Variants in CERS4 observed in about 807,000 individuals in gnomAD.
CERS4 encodes the protein LAG1 homolog, ceramide synthase 4.
A neutral mutation model predicts 51.8 loss-of-function variants in CERS4; 65 were observed. The ratio of observed to expected loss-of-function variants is 1.26; its 90% confidence interval spans 1.03 to 1.54. CERS4 has a LOEUF of 1.54. Ranked by LOEUF, CERS4 falls within the 40% of genes most tolerant of loss-of-function variation. The pLI is 0.00. For synonymous variants in CERS4, 228 were observed against 208.4 expected (o/e 1.09, Z -0.81); for missense variants, 563 against 500.4 (o/e 1.13, Z -1.19).
At position 8,210,053 on chromosome 19, in the gene CERS4, GAA is replaced by G. The variant is rs1482633732; in HGVS notation, c.-159+562_-159+563del. 1.1e-5 allele frequency: 1 copy of G among 88,742 alleles called. No individual in the cohort carries two copies. The highest frequency in any genetic ancestry group is 2.6e-5 in the Non-Finnish European group (1 of 38,764). 5.5% of individuals were successfully genotyped at this position (88,742 alleles called of 1,614,324 possible). On this transcript the variant is annotated intron_variant, in intron 1 of 11. Coordinates refer to ENST00000251363, the MANE Select transcript of CERS4 (RefSeq NM_024552.3). This position sits in a 1 kb window ranked among gnomAD's most constrained non-coding sequence, Gnocchi z 4.2. ...CCTAGCCGGGAGTGTGTGCGGAGCA[GAA>G]AAGAGGCCAGCCTGGCTGAAACGCG...
At position 8,221,786 on chromosome 19, in the gene CERS4, A is replaced by C. The variant is rs552880075; in HGVS notation, c.-2+10924A>C. ...AGTGATCCGCCCTCCTCAGCCTACCAAAGTGCTGGGATTACAGGCATGAGC... is the reference window on the plus strand; with the variant it reads ...AGTGATCCGCCCTCCTCAGCCTACCCAAGTGCTGGGATTACAGGCATGAGC... On this transcript the variant is annotated intron_variant, in intron 2 of 11. Transcript: ENST00000251363. 2.0e-3 allele frequency among the ~76,000 whole-genome samples: 309 copies of C among 151,526 alleles called. 2 individuals are homozygous for C. The highest frequency in any genetic ancestry group is 7.1e-3 in the African/African-American group (293 of 41,366).
intron 2 of CERS4, among the ~76,000 whole-genome samples, chr19:8,248,975 T>G (rs939765739): frequency 1.3e-5 from 2 of 149,836 alleles, no homozygotes; most frequent in African/African-American, 2.5e-5. Context: ...GATGTTTTGA[T>G]GAATTAACAG....
intron 2 of CERS4, among the ~76,000 whole-genome samples, chr19:8,222,647 C>T (rs1490823511): frequency 6.6e-6 from 1 of 151,988 alleles, no homozygotes; most frequent in African/African-American, 2.4e-5. Context: ...TACAGGCATG[C>T]GCCACCACAC....
Position 8,257,080 on chromosome 19 carries a change from G to A in CERS4, c.741+3G>A, listed in dbSNP as rs1969430137. 1.3e-6 allele frequency: 2 copies of A among 1,593,200 alleles called. No individual in the cohort carries two copies. Among genetic ancestry groups the A allele is most frequent in the African/African-American group, 1.3e-5 (1 of 74,860 alleles). ...ATTCCTCTGACTACCTGCTGGAGGTGGGCCCGACCCCTGCCTGACCCTTCC... is the reference window on the plus strand; with the variant it reads ...ATTCCTCTGACTACCTGCTGGAGGTAGGCCCGACCCCTGCCTGACCCTTCC... On this transcript the variant is annotated splice_donor_region_variant and intron_variant, in intron 9 of 11. Coordinates refer to ENST00000251363, the MANE Select transcript of CERS4 (RefSeq NM_024552.3).
intron 2 of CERS4, among the ~76,000 whole-genome samples, chr19:8,247,094 A>C (rs778218366): frequency 1.3e-5 from 2 of 152,212 alleles, no homozygotes; most frequent in Non-Finnish European, 2.9e-5. Flanking sequence ...TGAACCCTCA[A>C]GGTGGAGGTT....
chr19:8,234,409 C>T lies in CERS4; in HGVS notation c.-1-16667C>T, dbSNP rs1372995904. 4.6e-5 allele frequency among the ~76,000 whole-genome samples: 7 copies of T among 152,240 alleles called. No individual in the cohort carries two copies. The East Asian group carries it at 9.6e-4, about 21-fold the overall frequency. On this transcript the variant is annotated intron_variant, in intron 2 of 11. Coordinates refer to ENST00000251363, the MANE Select transcript of CERS4 (RefSeq NM_024552.3). ...AACGCCTGGGCTCATGCAGTCCTCCCGAGTAGCTGCACCACAGGCATGAGC... is the reference window on the plus strand; with the variant it reads ...AACGCCTGGGCTCATGCAGTCCTCCTGAGTAGCTGCACCACAGGCATGAGC...
intron 2 of CERS4, chr19:8,238,431 A>C: frequency 1.2e-6 from 1 of 859,024 alleles, no homozygotes; most frequent in Non-Finnish European, 1.4e-6. Flanking sequence ...GCATGTTGGA[A>C]AAAGGGCACT....
chr19:8,261,905 C>CTCCA, intron 11 of CERS4, 25 bp from the exon 12 acceptor site: 1 of 1,610,832 alleles, frequency 6.2e-7, no homozygotes, highest in South Asian at 1.1e-5. Context: ...CTGCTCTGAG[C>CTCCA]TCCATCCCTC....
intron 3 of CERS4, among the ~76,000 whole-genome samples, chr19:8,253,438 G>T: frequency 6.6e-6 from 1 of 150,614 alleles, no homozygotes. Flanking sequence ...TACAGACAAA[G>T]GTCCAGCTGC....
chr19:8,256,164 AAAGAGACC>A (rs1969369257), intron 6 of CERS4, 64 bp from the exon 7 acceptor site: 1 of 1,495,544 alleles, frequency 6.7e-7, no homozygotes, highest in East Asian at 2.4e-5. Context: ...AAGGAGAACC[AAAGAGACC>A]GCAGACCCAG....
Position 8,251,234 on chromosome 19 carries a change from G to A in CERS4, c.158G>A (p.Arg53His), listed in dbSNP as rs374367974. The change falls in exon 3 of 12, where the codon CGC becomes CAC. Residue 53 changes from arginine (R) to histidine (H), a missense_variant. Arg to His is a conservative substitution (Grantham distance 29). Coordinates refer to ENST00000251363, the MANE Select transcript of CERS4 (RefSeq NM_024552.3). ...CTGGCGCTGGTCCTCCTGGCCATGC[G>A]CCTTGCCTTTGAGAGGTGAGTGTCT... The part of the protein sequence containing the change: ...LPLALVLLAM[R>H]LAFERFIGLP... 60 of 1,604,622 alleles carry A rather than the reference G, an allele frequency of 3.7e-5. 1 individual carries two copies. The highest frequency in any genetic ancestry group is 2.5e-4 in the East Asian group (11 of 44,668).
At position 8,256,603 on chromosome 19, in the gene CERS4, C is replaced by A; in HGVS notation, c.520-15C>A. 6.2e-7 allele frequency: 1 copy of A among 1,606,336 alleles called. No individual in the cohort carries two copies. Among genetic ancestry groups the A allele is most frequent in the Non-Finnish European group, 8.5e-7 (1 of 1,176,714 alleles). On this transcript the variant is annotated splice_polypyrimidine_tract_variant and intron_variant, in intron 7 of 11. Transcript: ENST00000251363. Reference sequence around the variant, plus strand: ...CTTCGCTCCCCACAGCTAACCTTGTCCTGTCCTGCTGCAGACTCTGAAGCC... The same window carrying A: ...CTTCGCTCCCCACAGCTAACCTTGTACTGTCCTGCTGCAGACTCTGAAGCC...
chr19:8,215,514 T>A (rs1348393506), intron 2 of CERS4, among the ~76,000 whole-genome samples: 1 of 150,412 alleles, frequency 6.6e-6, no homozygotes, highest in Admixed American at 6.6e-5. Context: ...AGCGGGTGTG[T>A]CTGGGGGATG....
rs1250324558 is a variant in CERS4, at chr19:8,256,718, C to G, written c.612+8C>G. ...TTTGATGTCAAGCGCAAGGTGAGGC[C>G]AAATAAGAGTCTGGAAGACCCAGTC... On this transcript the variant is annotated splice_region_variant and intron_variant, in intron 8 of 11. Transcript: ENST00000251363. The G allele has an allele frequency of 3.1e-6, 5 of 1,610,676 alleles. No individual in the cohort carries two copies. The South Asian group carries it at 5.5e-5, about 18-fold the overall frequency.
intron 2 of CERS4, among the ~76,000 whole-genome samples, chr19:8,243,167 C>G (rs143942996): frequency 1.6e-5 from 2 of 122,458 alleles, no homozygotes; most frequent in East Asian, 5.1e-4. Context: ...GCACTCCAGT[C>G]TGGGTGACAA....
intron 3 of CERS4, among the ~76,000 whole-genome samples, chr19:8,252,184 CG>C: frequency 6.6e-6 from 1 of 152,022 alleles, no homozygotes; most frequent in African/African-American, 2.4e-5. Flanking sequence ...GCCCGACAAA[CG>C]TGGTGAAACC....
In CERS4 at chr19:8,261,958, A is replaced by G. The variant is rs1568545805; in HGVS notation, c.1034A>G (p.Glu345Gly). ...GAGAAGGACATTCGTAGTGATGTAGAAGAATCAGACTCCAGTGAGGAGGCG... is the reference window on the plus strand; with the variant it reads ...GAGAAGGACATTCGTAGTGATGTAGGAGAATCAGACTCCAGTGAGGAGGCG... The part of the protein sequence containing the change: ...QMEKDIRSDV[E>G]ESDSSEEAAA... Residue 345 changes from glutamate to glycine, a missense_variant, in exon 12 of 12, where the codon GAA (glutamate) becomes GGA (glycine). Glu to Gly is a moderately conservative substitution (Grantham distance 98). Transcript: ENST00000251363. 6.2e-7 allele frequency: 1 copy of G among 1,606,502 alleles called. No homozygotes were observed. The highest frequency in any genetic ancestry group is 1.7e-5 in the Admixed American group (1 of 57,836).
At chr19:8,222,307 A>G (rs947686116) in intron 2 of CERS4, 2 of 151,888 alleles carry the variant, frequency 1.3e-5, no homozygotes, top group African/African-American at 4.8e-5. Context: ...CCTCCTGAGT[A>G]GCTGGGATTA....
intron 2 of CERS4, among the ~76,000 whole-genome samples, chr19:8,244,673 A>G (rs1472599502): frequency 1.3e-5 from 2 of 152,090 alleles, no homozygotes; most frequent in Non-Finnish European, 2.9e-5. Context: ...CCAACACCTG[A>G]GAATCCCTGC....
Sources: gnomAD v4.1 joint callset for allele counts (sites outside exome capture counted in the v4.1 genomes callset) on GRCh38, gnomAD v4.1.1 for gene constraint, Gnocchi (gnomAD v3.1) non-coding constraint, MANE v1.5 for transcripts, NCBI Gene and HGNC (gene_info 2026-07-23, HGNC 2026-07-21) for gene names.